PTPRT: variants seen among roughly 807,000 people sequenced by gnomAD.
The protein encoded by PTPRT is protein tyrosine phosphatase receptor type T.
A neutral mutation model predicts 176.8 loss-of-function variants in PTPRT; 56 were observed. That is an observed-to-expected ratio of 0.32 (90% CI 0.26 to 0.40). The LOEUF (loss-of-function observed/expected upper bound fraction) is 0.40, where lower values mean the gene tolerates loss of function less well. PTPRT is among the 10% of genes least tolerant of loss of function. The pLI is 1.00. For missense variants in PTPRT, 1,540 were observed against 1,908.2 expected (o/e 0.81, Z 3.60); for synonymous variants, 783 against 739.0 (o/e 1.06, Z -0.96).
At chr20:42,083,309 G>A (rs189538323) in intron 29 of PTPRT, among the ~76,000 whole-genome samples, 2 of 152,248 alleles carry the variant, frequency 1.3e-5, no homozygotes, top group Non-Finnish European at 2.9e-5. Context: ...CTAAGGTAAG[G>A]TCACCTGAAT....
intron 1 of PTPRT, among the ~76,000 whole-genome samples, chr20:43,081,105 C>T (rs1246607577): frequency 1.3e-5 from 2 of 152,160 alleles, no homozygotes; most frequent in Non-Finnish European, 2.9e-5. Context: ...TGGTACTATC[C>T]TCATTCAGTT....
intron 1 of PTPRT, among the ~76,000 whole-genome samples, chr20:43,101,243 G>T (rs190210281): frequency 2.6e-5 from 4 of 152,210 alleles, no homozygotes; most frequent in African/African-American, 9.6e-5. Context: ...AGGATTTGCT[G>T]GGGGGAGATT....
chr20:42,452,548 C>T (rs145619049), intron 8 of PTPRT, among the ~76,000 whole-genome samples: 7 of 152,082 alleles, frequency 4.6e-5, no homozygotes, highest in African/African-American at 1.7e-4. Flanking sequence ...ACAGGAGAAG[C>T]TTTAATCACA....
chr20:42,776,616 C>T (rs959475017), intron 4 of PTPRT, among the ~76,000 whole-genome samples: 67 of 152,004 alleles, frequency 4.4e-4, no homozygotes, highest in Non-Finnish European at 1.9e-4. Flanking sequence ...ATTTAAGTTG[C>T]TTAAGCCATC....
At chr20:42,387,792 C>CTTT (rs773081937) in intron 9 of PTPRT, among the ~76,000 whole-genome samples, 4 of 135,884 alleles carry the variant, frequency 2.9e-5, no homozygotes, top group South Asian at 2.3e-4. Flanking sequence ...TGCTAATATT[C>CTTT]TTTTTTTTTT....
intron 21 of PTPRT, chr20:42,115,979 G>T (rs1408391728): frequency 5.6e-6 from 4 of 713,794 alleles, no homozygotes; most frequent in Non-Finnish European, 1.0e-5. Flanking sequence ...TGTTTAAGTC[G>T]CACTCATGGA....
At chr20:42,925,704 G>A (rs1404021002) in intron 1 of PTPRT, among the ~76,000 whole-genome samples, 2 of 152,170 alleles carry the variant, frequency 1.3e-5, no homozygotes, top group African/African-American at 4.8e-5. Flanking sequence ...TGCCCCCTTG[G>A]GTTTCTGATT....
Position 42,826,682 on chromosome 20 carries a change from G to T in PTPRT, c.215-35216C>A, listed in dbSNP as rs575554786. ...ATGATAACCAACTAACAACAAAATG[G>T]CAAGATCAAATTCACACATATCAGT... is the stretch of plus-strand genomic sequence containing the variant. On this transcript the variant is annotated intron_variant, in intron 2 of 30. Coordinates refer to ENST00000373187, the MANE Select transcript of PTPRT (RefSeq NM_007050.6). Among the ~76,000 whole-genome samples the T allele has an allele frequency of 3.3e-5, 5 of 152,210 alleles. No individual in the cohort carries two copies. In the East Asian group the frequency reaches 9.7e-4, roughly 29 times the overall value.
At chr20:42,359,738 A>C (rs900894481) in intron 9 of PTPRT, among the ~76,000 whole-genome samples, 1 of 152,232 alleles carries the variant, frequency 6.6e-6, no homozygotes, top group Non-Finnish European at 1.5e-5. Context: ...TCCAAAGCCA[A>C]GCTTCAGGGT....
intron 1 of PTPRT, among the ~76,000 whole-genome samples, chr20:43,073,122 C>T (rs1165554721): frequency 6.6e-6 from 1 of 152,078 alleles, no homozygotes; most frequent in Non-Finnish European, 1.5e-5. Context: ...AATACTAGCT[C>T]TCTTATCATA....
At chr20:42,691,652 C>A (rs750949732) in intron 6 of PTPRT, among the ~76,000 whole-genome samples, 2 of 152,172 alleles carry the variant, frequency 1.3e-5, no homozygotes, top group Non-Finnish European at 2.9e-5. Context: ...CCTAGGGCTG[C>A]CTCTGCCCCT....
At chr20:42,610,961 T>C (rs891943848) in intron 7 of PTPRT, among the ~76,000 whole-genome samples, 13 of 152,198 alleles carry the variant, frequency 8.5e-5, no homozygotes, top group Admixed American at 3.3e-4. Flanking sequence ...TCCCTTATCA[T>C]GTTATTTCAA....
chr20:42,373,089 AC>A (rs2058608072), intron 9 of PTPRT, among the ~76,000 whole-genome samples: 1 of 152,238 alleles, frequency 6.6e-6, no homozygotes, highest in Non-Finnish European at 1.5e-5. Context: ...TTTGCTGAGT[AC>A]CTACTGTGTG....
chr20:42,546,264 A>C (rs1211356118), intron 7 of PTPRT, among the ~76,000 whole-genome samples: 1 of 152,146 alleles, frequency 6.6e-6, no homozygotes, highest in Non-Finnish European at 1.5e-5. Context: ...TTATACACAA[A>C]AAAGGGGGGA....
intron 7 of PTPRT, among the ~76,000 whole-genome samples, chr20:42,568,082 C>A (rs550000591): frequency 6.6e-6 from 1 of 151,924 alleles, no homozygotes; most frequent in East Asian, 1.9e-4. Flanking sequence ...CAATTCCCTG[C>A]CTCAGGCTCC....
intron 1 of PTPRT, among the ~76,000 whole-genome samples, chr20:43,068,572 A>G (rs1279588078): frequency 6.6e-6 from 1 of 151,590 alleles, no homozygotes; most frequent in Non-Finnish European, 1.5e-5. Flanking sequence ...GAGTTTGTAT[A>G]CCTGTGGGAC....
intron 1 of PTPRT, among the ~76,000 whole-genome samples, chr20:43,161,591 C>G (rs1368955392): frequency 6.6e-6 from 1 of 152,158 alleles, no homozygotes; most frequent in Non-Finnish European, 1.5e-5. Flanking sequence ...ACACTCAACC[C>G]AGACGCTCCA....
chr20:42,775,832 G>T (rs958037343), intron 4 of PTPRT, among the ~76,000 whole-genome samples: 7 of 152,226 alleles, frequency 4.6e-5, no homozygotes, highest in African/African-American at 1.7e-4. Context: ...GACAGAAAGG[G>T]ATAATTAAAA....
chr20:42,855,288 G>A (rs984644797), intron 2 of PTPRT, among the ~76,000 whole-genome samples: 2 of 151,996 alleles, frequency 1.3e-5, no homozygotes, highest in Admixed American at 1.3e-4. Flanking sequence ...CATCTTCAAA[G>A]TTGACTGAAA....
Sources: allele counts gnomAD v4.1 joint callset (sites outside exome capture counted in the v4.1 genomes callset), GRCh38; gene constraint gnomAD v4.1.1; transcripts MANE v1.5; gene names NCBI Gene and HGNC (gene_info 2026-07-23, HGNC 2026-07-21).